The following DRICH1 variants were observed in gnomAD, a reference collection of about 807,000 sequenced individuals.
DRICH1 encodes aspartate rich 1, also known as aspartate-rich protein 1.
Under a neutral mutation model 39.5 loss-of-function variants are expected in DRICH1, and 38 were observed. That is an observed-to-expected ratio of 0.96 (90% confidence interval 0.74 to 1.26). DRICH1 has a LOEUF of 1.26. DRICH1 is among the 50% of genes most tolerant of loss of function. The pLI is 0.00. For missense variants in DRICH1, 279 were observed against 270.4 expected, an observed-to-expected ratio of 1.03 and a Z score of -0.22; for synonymous variants, 84 against 99.5, an observed-to-expected ratio of 0.84 and a Z score of 0.93.
At chr22:23,600,675 T>C in the DRICH1 span, among the ~76,000 whole-genome samples, 1 of 147,806 alleles carries the variant, frequency 6.8e-6, no homozygotes, top group Admixed American at 6.6e-5. Flanking sequence ...CAATTTTTTT[T>C]CTTTTTTTTT....
rs564257151 is a variant in DRICH1, at chr22:23,627,789, C to T, written c.209-1741G>A. ...AGGGACCCTGACTCAGAAACTGGGGCAGCCTCCAGGATTGGTGTAGGGCTC... is the reference window on the plus strand; with the variant it reads ...AGGGACCCTGACTCAGAAACTGGGGTAGCCTCCAGGATTGGTGTAGGGCTC... On this transcript the variant is annotated intron_variant, in intron 1 of 11. Coordinates refer to ENST00000317749, the MANE Select transcript of DRICH1 (RefSeq NM_016449.4). 9.2e-5 allele frequency among the ~76,000 whole-genome samples: 14 copies of T among 152,288 alleles called. 2 individuals carry two copies. The highest frequency in any genetic ancestry group is 5.9e-4 in the Admixed American group (9 of 15,300).
In DRICH1 at chr22:23,617,283, T is replaced by A. The variant is rs529337049; in HGVS notation, c.519+292A>T. On this transcript the variant is annotated intron_variant, in intron 7 of 11. Coordinates refer to ENST00000317749, the MANE Select transcript of DRICH1 (RefSeq NM_016449.4). ...TAATGTGACTTGTCATATTTTTATATCAAAATTAATTGAGAAGGGAAGAAA... is the reference window on the plus strand; with the variant it reads ...TAATGTGACTTGTCATATTTTTATAACAAAATTAATTGAGAAGGGAAGAAA... 2.3e-4 allele frequency among the ~76,000 whole-genome samples: 35 copies of A among 152,314 alleles called. No individual in the cohort carries two copies. In the South Asian group the frequency reaches 6.6e-3, roughly 29 times the overall value.
At chr22:23,612,884 G>A (rs1458019836) in intron 11 of DRICH1, among the ~76,000 whole-genome samples, 1 of 152,148 alleles carries the variant, frequency 6.6e-6, no homozygotes, top group Non-Finnish European at 1.5e-5. Context: ...CACAGCACAA[G>A]GACTGTTTCT....
intron 11 of DRICH1, among the ~76,000 whole-genome samples, chr22:23,612,348 TC>T (rs1247294641): frequency 6.6e-6 from 1 of 150,726 alleles, no homozygotes; most frequent in African/African-American, 2.4e-5. Flanking sequence ...ACACCTGTAG[TC>T]CCCACTACTC....
chr22:23,612,812 A>C (rs1602332115), intron 11 of DRICH1, among the ~76,000 whole-genome samples: 1 of 152,146 alleles, frequency 6.6e-6, no homozygotes, highest in Admixed American at 6.5e-5. Context: ...GAGGACAGAA[A>C]CATGAATGTG....
At chr22:23,582,528 G>C in the DRICH1 span, among the ~76,000 whole-genome samples, 1 of 137,866 alleles carries the variant, frequency 7.3e-6, no homozygotes, top group Non-Finnish European at 1.6e-5. Context: ...AAACTGGAAA[G>C]TGCTGCATGT....
chr22:23,615,823 T>C (rs1927320328), intron 8 of DRICH1, among the ~76,000 whole-genome samples: 1 of 152,162 alleles, frequency 6.6e-6, no homozygotes, highest in Non-Finnish European at 1.5e-5. Context: ...GTTTCACAGA[T>C]ATAGAGAGCC....
downstream of DRICH1, among the ~76,000 whole-genome samples, chr22:23,606,715 C>T (rs1306778929): frequency 6.6e-6 from 1 of 152,134 alleles, no homozygotes; most frequent in Non-Finnish European, 1.5e-5. Flanking sequence ...GGTGCGGGAT[C>T]TCCCAGGGCT....
At chr22:23,589,126 A>ACACACC in the DRICH1 span, among the ~76,000 whole-genome samples, 34 of 138,742 alleles carry the variant, frequency 2.5e-4, no homozygotes, top group Non-Finnish European at 4.5e-4. Flanking sequence ...ACACACACAC[A>ACACACC]CCCCTTTGAT....
chr22:23,612,879 C>T (rs929073371), intron 11 of DRICH1, among the ~76,000 whole-genome samples: 8 of 152,156 alleles, frequency 5.3e-5, no homozygotes, highest in Admixed American at 1.3e-4. Flanking sequence ...TGGCACACAG[C>T]ACAAGGACTG....
downstream of DRICH1, chr22:23,607,029 T>C (rs1351265921): frequency 6.5e-6 from 1 of 152,866 alleles, no homozygotes; most frequent in Non-Finnish European, 1.5e-5. Flanking sequence ...CAGTGCCCTT[T>C]CCTGTTGTGC....
downstream of DRICH1, among the ~76,000 whole-genome samples, chr22:23,607,458 C>G (rs1926792229): frequency 6.6e-6 from 1 of 152,052 alleles, no homozygotes; most frequent in Admixed American, 6.5e-5. Flanking sequence ...CACACTGGGA[C>G]CCTCATTGTG....
At chr22:23,596,417 C>T in the DRICH1 span, among the ~76,000 whole-genome samples, 1 of 118,294 alleles carries the variant, frequency 8.5e-6, no homozygotes, top group Non-Finnish European at 2.0e-5. Context: ...ATGGCACCCC[C>T]GTTTATTTTT....
intron 1 of DRICH1, among the ~76,000 whole-genome samples, chr22:23,631,156 A>G (rs1171481373): frequency 6.6e-6 from 1 of 152,152 alleles, no homozygotes; most frequent in Non-Finnish European, 1.5e-5. Context: ...GCGATGCCTC[A>G]TGCCTGTAAT....
At chr22:23,600,382 G>A in the DRICH1 span, among the ~76,000 whole-genome samples, 2 of 152,202 alleles carry the variant, frequency 1.3e-5, no homozygotes, top group African/African-American at 4.8e-5. Flanking sequence ...CCTACAGTTG[G>A]CCATAGCTCT....
intron 3 of DRICH1, among the ~76,000 whole-genome samples, chr22:23,622,826 G>A (rs1425337688): frequency 1.3e-5 from 2 of 151,300 alleles, no homozygotes; most frequent in Non-Finnish European, 3.0e-5. Context: ...TCTCCCTCAG[G>A]AGATTCCGTA....
intron 3 of DRICH1, among the ~76,000 whole-genome samples, chr22:23,623,542 G>A (rs1198144572): frequency 6.6e-6 from 1 of 152,190 alleles, no homozygotes; most frequent in Non-Finnish European, 1.5e-5. Flanking sequence ...CCATATTCAT[G>A]GATAGGAAGA....
the DRICH1 span, among the ~76,000 whole-genome samples, chr22:23,598,893 C>T: frequency 2.6e-5 from 4 of 152,196 alleles, no homozygotes; most frequent in Admixed American, 2.0e-4. Context: ...CTCCTGATCT[C>T]GGTTTCCCCA....
At chr22:23,596,962 C>T in the DRICH1 span, among the ~76,000 whole-genome samples, 8 of 151,130 alleles carry the variant, frequency 5.3e-5, no homozygotes, top group South Asian at 2.1e-4. Flanking sequence ...ACTATTATTG[C>T]GAAGCTGTCT....
Sources: allele counts gnomAD v4.1 joint callset (sites outside exome capture counted in the v4.1 genomes callset), GRCh38; gene constraint gnomAD v4.1.1; transcripts MANE v1.5; gene names NCBI Gene and HGNC (gene_info 2026-07-23, HGNC 2026-07-21).